The following BANK1 variants were observed in gnomAD, a reference collection of about 807,000 sequenced individuals.
BANK1 encodes the protein B cell scaffold protein with ankyrin repeats 1, also known as B-cell scaffold protein with ankyrin repeats.
BANK1 carries 95 observed loss-of-function variants against 94.5 expected under a neutral mutation model. The observed-to-expected ratio is 1.00, with a 90% CI of 0.85 to 1.19. BANK1 has a LOEUF of 1.19. BANK1 is among the 50% of genes most tolerant of loss of function. The pLI, the probability that BANK1 is intolerant of heterozygous loss-of-function variation, is 0.00. For missense variants in BANK1, 987 were observed against 932.2 expected (o/e 1.06, Z -0.77); for synonymous variants, 334 against 308.4 (o/e 1.08, Z -0.87).
intron 7 of BANK1, among the ~76,000 whole-genome samples, chr4:102,012,535 A>T (rs944044736): frequency 6.6e-6 from 1 of 152,202 alleles, no homozygotes; most frequent in Admixed American, 6.5e-5. Context: ...TTCTGATAGT[A>T]ATAATAGAAA....
chr4:101,819,433 T>A (rs771890108), intron 1 of BANK1, among the ~76,000 whole-genome samples: 1 of 152,156 alleles, frequency 6.6e-6, no homozygotes, highest in Non-Finnish European at 1.5e-5. Context: ...AGTAAGTTTT[T>A]GCACCCCAAA....
At chr4:102,052,113 CTTTTTT>C (rs199811166) in intron 11 of BANK1, among the ~76,000 whole-genome samples, 3 of 103,990 alleles carry the variant, frequency 2.9e-5, no homozygotes, top group African/African-American at 8.2e-5. Flanking sequence ...TTCTTTTTTT[CTTTTTT>C]TTTTTTTTTT....
chr4:101,816,341 C>G (rs1265533873), intron 1 of BANK1, among the ~76,000 whole-genome samples: 1 of 152,090 alleles, frequency 6.6e-6, no homozygotes, highest in Middle Eastern at 3.2e-3. Context: ...TGAACATGTC[C>G]TTTCCTATTT....
At chr4:101,843,352 A>T (rs1255541346) in intron 2 of BANK1, among the ~76,000 whole-genome samples, 1 of 152,322 alleles carries the variant, frequency 6.6e-6, no homozygotes, top group East Asian at 1.9e-4. Context: ...CTTCAAGAGC[A>T]TATTAATCAT....
intron 1 of BANK1, among the ~76,000 whole-genome samples, chr4:101,799,216 G>A (rs959737787): frequency 9.9e-5 from 15 of 152,110 alleles, no homozygotes; most frequent in Admixed American, 7.2e-4. Flanking sequence ...TATTAAATAG[G>A]GAATCCTTTC....
chr4:101,838,350 A>G (rs752373716), intron 2 of BANK1, among the ~76,000 whole-genome samples: 18 of 152,194 alleles, frequency 1.2e-4, no homozygotes, highest in Non-Finnish European at 2.1e-4. Context: ...AAACTAAGGT[A>G]CACTGTTTTA....
At chr4:102,064,288 A>G (rs1391018898) in intron 13 of BANK1, among the ~76,000 whole-genome samples, 1 of 152,204 alleles carries the variant, frequency 6.6e-6, no homozygotes, top group Non-Finnish European at 1.5e-5. Flanking sequence ...AAACACAAAT[A>G]TACTTTCTAA....
At chr4:101,965,697 C>A (rs909081885) in intron 7 of BANK1, among the ~76,000 whole-genome samples, 3 of 151,994 alleles carry the variant, frequency 2.0e-5, no homozygotes, top group Non-Finnish European at 4.4e-5. Context: ...AACTTCTCTG[C>A]AAAAACCACA....
chr4:101,899,157 GA>G (rs201838414), intron 6 of BANK1, among the ~76,000 whole-genome samples: 15 of 146,070 alleles, frequency 1.0e-4, no homozygotes, highest in Middle Eastern at 3.5e-3. Flanking sequence ...CAATGTAAAA[GA>G]AAAAAAAAAT....
At chr4:101,936,302 C>CATGT (rs1723543853) in intron 7 of BANK1, among the ~76,000 whole-genome samples, 2 of 150,040 alleles carry the variant, frequency 1.3e-5, no homozygotes, top group African/African-American at 4.9e-5. Context: ...TGCACACATA[C>CATGT]ATGCATATGT....
intron 7 of BANK1, chr4:101,981,982 C>G (rs965823287): frequency 6.6e-6 from 1 of 152,170 alleles, no homozygotes; most frequent in Non-Finnish European, 1.5e-5. Flanking sequence ...GATTGTGGTT[C>G]TGCTCCCACT....
At chr4:101,965,533 C>T (rs1724723178) in intron 7 of BANK1, among the ~76,000 whole-genome samples, 1 of 152,024 alleles carries the variant, frequency 6.6e-6, no homozygotes, top group African/African-American at 2.4e-5. Context: ...TTTCTCGTAA[C>T]CTTTTGTTAC....
intron 1 of BANK1, among the ~76,000 whole-genome samples, chr4:101,813,021 T>G (rs1411791818): frequency 6.6e-6 from 1 of 152,160 alleles, no homozygotes; most frequent in Non-Finnish European, 1.5e-5. Context: ...CTTTAAAAAT[T>G]GCTTTTATTT....
At chr4:101,847,087 C>G (rs1300248944) in intron 2 of BANK1, among the ~76,000 whole-genome samples, 2 of 152,096 alleles carry the variant, frequency 1.3e-5, no homozygotes, top group African/African-American at 4.8e-5. Flanking sequence ...GGCTTACCAC[C>G]ATGTCCTCTG....
intron 1 of BANK1, among the ~76,000 whole-genome samples, chr4:101,823,294 T>G (rs904437754): frequency 6.6e-6 from 1 of 152,230 alleles, no homozygotes; most frequent in Non-Finnish European, 1.5e-5. Context: ...CCCATTCCAA[T>G]GTATATAAAT....
intron 1 of BANK1, among the ~76,000 whole-genome samples, chr4:101,824,499 T>C (rs941355024): frequency 3.9e-5 from 6 of 152,108 alleles, no homozygotes; most frequent in Non-Finnish European, 7.4e-5. Flanking sequence ...CTTTGAAAAA[T>C]CCCCAGTTTT....
chr4:101,979,546 C>T (rs1337391621), intron 7 of BANK1, among the ~76,000 whole-genome samples: 2 of 151,682 alleles, frequency 1.3e-5, no homozygotes, highest in Non-Finnish European at 3.0e-5. Flanking sequence ...GAGAGAAAAT[C>T]ATAAAGGGTT....
chr4:101,872,524 A>G (rs1175054013), intron 5 of BANK1, among the ~76,000 whole-genome samples: 1 of 152,148 alleles, frequency 6.6e-6, no homozygotes, highest in Non-Finnish European at 1.5e-5. Flanking sequence ...TGAGAAGTTG[A>G]AAAGCACTTT....
chr4:101,866,987 G>A (rs1283059623), intron 4 of BANK1, among the ~76,000 whole-genome samples: 4 of 54,948 alleles, frequency 7.3e-5, no homozygotes, highest in Non-Finnish European at 1.3e-4. Flanking sequence ...GACACAGGAA[G>A]GGGAATATCA....
Sources: gnomAD v4.1 joint callset for allele counts (sites outside exome capture counted in the v4.1 genomes callset) on GRCh38, gnomAD v4.1.1 for gene constraint, MANE v1.5 for transcripts, NCBI Gene and HGNC (gene_info 2026-07-23, HGNC 2026-07-21) for gene names.